Variants in PCDHGA3 observed in about 807,000 individuals in gnomAD.
PCDHGA3 encodes protocadherin gamma-A3.
Under a neutral mutation model 58.5 loss-of-function variants are expected in PCDHGA3, and 40 were observed. The observed-to-expected ratio is 0.68, with a 90% CI of 0.53 to 0.89. The LOEUF (loss-of-function observed/expected upper bound fraction) is 0.89, where lower values mean the gene tolerates loss of function less well. PCDHGA3 is among the 40% of genes least tolerant of loss of function. The probability of loss-of-function intolerance (pLI) is 0.00; values close to 1 mark genes in which losing one functional copy is unlikely to be tolerated. For synonymous variants in PCDHGA3, 530 were observed against 525.7 expected (o/e 1.01, Z -0.11); for missense variants, 1,223 against 1,195.9 (o/e 1.02, Z -0.33).
chr5:141,454,385 T>C (rs1168439343), intron 1 of PCDHGA3, among the ~76,000 whole-genome samples: 5 of 152,194 alleles, frequency 3.3e-5, no homozygotes, highest in Non-Finnish European at 7.4e-5. Flanking sequence ...CTTGTCAAGA[T>C]GAAGAAAAGG....
In PCDHGA3 at chr5:141,511,224, G is replaced by T. The variant is rs752401867; in HGVS notation, c.*51G>T. On this transcript the variant is annotated 3_prime_UTR_variant, in exon 4 of 4. Coordinates refer to ENST00000253812, the MANE Select transcript of PCDHGA3 (RefSeq NM_018916.4). ...GGGCGGCCTCTCCCCAACCAGCCCA[G>T]CTTCTCCTTACCTGCACCCAGGCCT... is the stretch of plus-strand genomic sequence containing the variant. 44 of 1,603,158 alleles carry T rather than the reference G, an allele frequency of 2.7e-5. No individual in the cohort carries two copies. Among genetic ancestry groups the T allele is most frequent in the Non-Finnish European group, 3.6e-5 (42 of 1,174,924 alleles).
In PCDHGA3 at chr5:141,432,399, C is replaced by T. The variant is rs2097496727; in HGVS notation, c.2425-62408C>T. ...CACCCGCCCCTCAGCAGCAACGTGT[C>T]GTTGAGCCTGTTCGTGCTGGACCAG... is the stretch of plus-strand genomic sequence containing the variant. On this transcript the variant is annotated intron_variant, in intron 1 of 3. Coordinates refer to ENST00000253812, the MANE Select transcript of PCDHGA3 (RefSeq NM_018916.4). This position sits in a 1 kb window ranked among gnomAD's most constrained non-coding sequence, Gnocchi z 6.0. 1.2e-6 allele frequency: 2 copies of T among 1,614,240 alleles called. No homozygotes were observed. Among genetic ancestry groups the T allele is most frequent in the Non-Finnish European group, 1.7e-6 (2 of 1,180,040 alleles).
In PCDHGA3 at chr5:141,421,902, C is replaced by T. The variant is rs1218675162; in HGVS notation, c.2425-72905C>T. 4 of 1,613,706 alleles carry T rather than the reference C, an allele frequency of 2.5e-6. No homozygotes were observed. The South Asian group carries it at 3.3e-5, about 13-fold the overall frequency. On this transcript the variant is annotated intron_variant, in intron 1 of 3. Coordinates refer to ENST00000253812, the MANE Select transcript of PCDHGA3 (RefSeq NM_018916.4). Reference sequence around the variant, plus strand: ...ATGGAGGCGATCCCATCCGAAAGGGCGCAGTTCCCATTCGTGTGGTGGTCC... The same window carrying T: ...ATGGAGGCGATCCCATCCGAAAGGGTGCAGTTCCCATTCGTGTGGTGGTCC...
chr5:141,428,794 T>C (rs2097161574), intron 1 of PCDHGA3: 1 of 152,852 alleles, frequency 6.5e-6, no homozygotes, highest in African/African-American at 2.4e-5. Context: ...CCTTTCTGTG[T>C]GGGCCAGTAA....
chr5:141,344,772 T>A lies in PCDHGA3; in HGVS notation c.739T>A (p.Tyr247Asn). ...CCCACCAATGTTTACTCAGCCTGAG[T>A]ACCGTGTGAGTGTTTGGGAGAACGT... is the stretch of plus-strand genomic sequence containing the variant. ...DNPPMFTQPE[Y>N]RVSVWENVPV... Residue 247 changes from tyrosine (Y) to asparagine (N), a missense_variant, in exon 1 of 4, where the codon TAC becomes AAC. Tyr to Asn is a moderately radical substitution (Grantham distance 143). Coordinates refer to ENST00000253812, the MANE Select transcript of PCDHGA3 (RefSeq NM_018916.4). 1 of 1,614,014 alleles carries A rather than the reference T, an allele frequency of 6.2e-7. No homozygotes were observed. The highest frequency in any genetic ancestry group is 8.5e-7 in the Non-Finnish European group (1 of 1,179,898).
intron 1 of PCDHGA3, chr5:141,391,295 G>A (rs1373471979): frequency 6.6e-6 from 1 of 151,134 alleles, no homozygotes; most frequent in Non-Finnish European, 1.5e-5. Context: ...AGAAGGAAAC[G>A]TCTTTCGATT....
chr5:141,499,029 A>AAGGAAGGAAGG lies in PCDHGA3; in HGVS notation c.2483+4165_2483+4166insGGAAGGAAGGA, dbSNP rs1562187768. ...GGAAGGAAGGAAGGAAGGAAGGAAG[A>AAGGAAGGAAGG]AAAGAAAGAAAAAGGGAGAAAAAAT... On this transcript the variant is annotated intron_variant, in intron 2 of 3. Transcript: ENST00000253812. 4.1e-4 allele frequency among the ~76,000 whole-genome samples: 57 copies of AAGGAAGGAAGG among 140,074 alleles called. 2 individuals are homozygous for AAGGAAGGAAGG. Among genetic ancestry groups the AAGGAAGGAAGG allele is most frequent in the African/African-American group, 1.4e-3 (52 of 36,074 alleles). 91.9% of individuals were successfully genotyped at this position (140,074 alleles called of 152,430 possible).
rs1380525895 is a variant in PCDHGA3, at chr5:141,345,100, T to C, written c.1067T>C (p.Val356Ala). Reference protein sequence around the residue: ...EITITSLTSSVPEEGTVGREI... With the variant: ...EITITSLTSSAPEEGTVGREI... ...ACAATCACGTCTCTCACAAGCTCAG[T>C]CCCAGAAGAGGGCACCGTTGGAAGA... The change falls in exon 1 of 4, where the codon GTC (valine) becomes GCC (alanine). Residue 356 changes from valine (V) to alanine (A), a missense_variant. Physicochemically the swap from Val to Ala is moderately conservative, Grantham distance 64. Transcript: ENST00000253812. 2 of 1,613,850 alleles carry C rather than the reference T, an allele frequency of 1.2e-6. No homozygotes were observed. Among genetic ancestry groups the C allele is most frequent in the African/African-American group, 2.7e-5 (2 of 74,898 alleles).
intron 1 of PCDHGA3, chr5:141,409,901 C>G: frequency 6.2e-7 from 1 of 1,613,264 alleles, no homozygotes; most frequent in Non-Finnish European, 8.5e-7. Context: ...GTACCCAGCT[C>G]TGGGTCCTGA....
chr5:141,445,545 A>G (rs1422837499), intron 1 of PCDHGA3, among the ~76,000 whole-genome samples: 2 of 152,256 alleles, frequency 1.3e-5, no homozygotes, highest in Non-Finnish European at 2.9e-5. Context: ...AAGGAGAAAT[A>G]CAAAAGCACT....
chr5:141,352,850 T>G (rs1470279292), intron 1 of PCDHGA3, among the ~76,000 whole-genome samples: 1 of 152,078 alleles, frequency 6.6e-6, no homozygotes, highest in East Asian at 1.9e-4. Flanking sequence ...TAGTTGGGTG[T>G]GGTGGCACGC....
At chr5:141,451,607 C>T (rs2154563647) in intron 1 of PCDHGA3, among the ~76,000 whole-genome samples, 1 of 152,288 alleles carries the variant, frequency 6.6e-6, no homozygotes, top group Non-Finnish European at 1.5e-5. Context: ...CAAGGCTAGG[C>T]ATGGTGGCTC....
intron 1 of PCDHGA3, among the ~76,000 whole-genome samples, chr5:141,483,997 T>G (rs2099590025): frequency 8.6e-5 from 6 of 69,516 alleles, no homozygotes; most frequent in East Asian, 4.4e-4. Context: ...TGCTGGGAGG[T>G]CTGGATGAGG....
Position 141,432,488 on chromosome 5 carries a change from C to G in PCDHGA3, c.2425-62319C>G. 6.2e-7 allele frequency: 1 copy of G among 1,614,202 alleles called. No homozygotes were observed. Among genetic ancestry groups the G allele is most frequent in the Non-Finnish European group, 8.5e-7 (1 of 1,180,048 alleles). On this transcript the variant is annotated intron_variant, in intron 1 of 3. Coordinates refer to ENST00000253812, the MANE Select transcript of PCDHGA3 (RefSeq NM_018916.4). This position sits in a 1 kb window ranked among gnomAD's most constrained non-coding sequence, Gnocchi z 6.0. ...CACGGACGGTTCCACTGGCGTGGAGCTGGCTCCCCGCTCCGCAGAGCCCGG... is the reference window on the plus strand; with the variant it reads ...CACGGACGGTTCCACTGGCGTGGAGGTGGCTCCCCGCTCCGCAGAGCCCGG...
chr5:141,373,895 T>TA, intron 1 of PCDHGA3: 1 of 534,638 alleles, frequency 1.9e-6, no homozygotes, highest in Non-Finnish European at 3.1e-6. Flanking sequence ...AAACTCAAGT[T>TA]ACATCCTCCA....
At chr5:141,445,732 A>G (rs2098475548) in intron 1 of PCDHGA3, among the ~76,000 whole-genome samples, 1 of 152,230 alleles carries the variant, frequency 6.6e-6, no homozygotes, top group African/African-American at 2.4e-5. Context: ...ATGTGTAAAG[A>G]TCTTTTTAAA....
intron 1 of PCDHGA3, among the ~76,000 whole-genome samples, chr5:141,447,221 C>A (rs1034853072): frequency 6.6e-6 from 1 of 152,026 alleles, no homozygotes; most frequent in Non-Finnish European, 1.5e-5. Context: ...CTCACTGCAA[C>A]CTCCGCCTCC....
intron 1 of PCDHGA3, among the ~76,000 whole-genome samples, chr5:141,482,104 AAT>A (rs1452930297): frequency 2.7e-5 from 4 of 150,286 alleles, no homozygotes; most frequent in Non-Finnish European, 5.9e-5. Context: ...AAAAAAAAAA[AAT>A]ATCTAGAGAT....
chr5:141,506,896 T>C (rs1417106112), intron 3 of PCDHGA3, among the ~76,000 whole-genome samples: 3 of 152,158 alleles, frequency 2.0e-5, no homozygotes, highest in African/African-American at 7.2e-5. Flanking sequence ...CAAGAAGCAC[T>C]GTCATCACAC....
Sources: gnomAD v4.1 joint callset for allele counts (sites outside exome capture counted in the v4.1 genomes callset) on GRCh38, gnomAD v4.1.1 for gene constraint, Gnocchi (gnomAD v3.1) non-coding constraint, MANE v1.5 for transcripts, NCBI Gene and HGNC (gene_info 2026-07-23, HGNC 2026-07-21) for gene names.